The following KIF9 variants were observed in gnomAD, a reference collection of about 807,000 sequenced individuals.
KIF9 encodes kinesin family member 9, also known as kinesin-like protein KIF9.
Under a neutral mutation model 94.8 loss-of-function variants are expected in KIF9, and 68 were observed. That is an observed-to-expected ratio of 0.72 (90% CI 0.59 to 0.88). KIF9 has a LOEUF of 0.88. Among genes scored for constraint, KIF9 ranks in the 40% least tolerant of loss-of-function variants. The pLI is 0.00. For synonymous variants in KIF9, 343 were observed against 362.1 expected (o/e 0.95, Z 0.60); for missense variants, 882 against 982.5 (o/e 0.90, Z 1.37).
Position 47,270,975 on chromosome 3 carries a change from CAAAAAAA to C in KIF9, c.591+255_591+261del, listed in dbSNP as rs35244035. ...GCAACATGGCCAGACCTTGTCTCTA[CAAAAAAA>C]AAAAAAAAAAAATTAAGTGGGCATG... is the stretch of plus-strand genomic sequence containing the variant. On this transcript the variant is annotated intron_variant, in intron 5 of 20. Coordinates refer to ENST00000684063, the MANE Select transcript of KIF9 (RefSeq NM_182902.4). 3.3e-5 allele frequency among the ~76,000 whole-genome samples: 3 copies of C among 90,972 alleles called. No individual in the cohort carries two copies. The Admixed American group carries it at 3.8e-4, about 12-fold the overall frequency. 59.7% of individuals were successfully genotyped at this position (90,972 alleles called of 152,430 possible).
intron 18 of KIF9, 112 bp from the exon 19 acceptor site, chr3:47,236,261 TTA>T (rs2107079599): frequency 9.8e-7 from 1 of 1,018,420 alleles, no homozygotes; most frequent in South Asian, 1.4e-5. Flanking sequence ...CTCCAAGGTC[TTA>T]CCCTGTCCCC....
intron 17 of KIF9, among the ~76,000 whole-genome samples, chr3:47,238,055 A>C (rs1034971877): frequency 1.1e-4 from 17 of 152,306 alleles, no homozygotes; most frequent in African/African-American, 4.8e-5. Flanking sequence ...AAAGAGTTGA[A>C]TTTAAAGATG....
intron 4 of KIF9, 64 bp from the exon 5 acceptor site, chr3:47,271,525 G>A (rs930964040): frequency 4.2e-6 from 5 of 1,194,442 alleles, no homozygotes; most frequent in Non-Finnish European, 5.0e-6. Flanking sequence ...AGCATAAGGG[G>A]GGCTTCCTAA....
At position 47,271,323 on chromosome 3, in the gene KIF9, C is replaced by T. The variant is rs138645441; in HGVS notation, c.505G>A (p.Val169Met). The T allele has an allele frequency of 4.5e-5, 72 of 1,613,928 alleles. 1 individual carries two copies. The African/African-American group carries it at 8.3e-4, about 19-fold the overall frequency. ...VGPSVTPMTI[V>M]ENPQGVFIKG... ...ATGAAGACTCCTTGAGGGTTTTCCA[C>T]GATGGTCATTGGTGTGACTGAGGGT... is the stretch of plus-strand genomic sequence containing the variant. Residue 169 changes from valine to methionine, a missense_variant, in exon 5 of 21, where the codon GTG becomes ATG. Transcript: ENST00000684063.
intron 4 of KIF9, among the ~76,000 whole-genome samples, chr3:47,272,035 T>C (rs1701682270): frequency 6.6e-6 from 1 of 152,068 alleles, no homozygotes; most frequent in African/African-American, 2.4e-5. Flanking sequence ...CAGGAGAATC[T>C]CTTGAACCCA....
intron 2 of KIF9, among the ~76,000 whole-genome samples, chr3:47,275,910 TGGCAG>T (rs1320543056): frequency 1.3e-5 from 2 of 152,218 alleles, no homozygotes; most frequent in Non-Finnish European, 2.9e-5. Context: ...CTCTGGTTGC[TGGCAG>T]TGAGGCCTCC....
chr3:47,282,413 T>G, intron 1 of KIF9, 82 bp downstream of exon 1: 3 of 986,384 alleles, frequency 3.0e-6, no homozygotes, highest in Non-Finnish European at 3.6e-6. Context: ...AAGCGGTTTT[T>G]GGACCCCAGC....
At position 47,265,804 on chromosome 3, in the gene KIF9, G is replaced by A; in HGVS notation, c.842C>T (p.Ala281Val). 1 of 1,614,170 alleles carries A rather than the reference G, an allele frequency of 6.2e-7. No homozygotes were observed. Among genetic ancestry groups the A allele is most frequent in the South Asian group, 1.1e-5 (1 of 91,078 alleles). ...SLSFLEQAII[A>V]LGDQKRDHIP... ...GTGGTCCCGCTTCTGGTCCCCAAGG[G>A]CAATGATGGCCTGCTCCAGGAATGA... The change falls in exon 8 of 21, where the codon GCC becomes GTC. Residue 281 changes from alanine (A) to valine (V), a missense_variant. Physicochemically the swap from Ala to Val is moderately conservative, Grantham distance 64. Transcript: ENST00000684063.
At chr3:47,235,423 TC>T in intron 20 of KIF9, 89 bp downstream of exon 20, 1 of 906,342 alleles carries the variant, frequency 1.1e-6, no homozygotes. Flanking sequence ...GTGCCATTCC[TC>T]CCCTACCTCT....
Position 47,243,158 on chromosome 3 carries a change from T to G in KIF9, c.1602A>C (p.Pro534=). 6.2e-7 allele frequency: 1 copy of G among 1,613,994 alleles called. No individual in the cohort carries two copies. Among genetic ancestry groups the G allele is most frequent in the Non-Finnish European group, 8.5e-7 (1 of 1,179,906 alleles). The change falls in exon 16 of 21, where the codon CCA becomes CCC. Residue 534 remains proline (P), a synonymous_variant. Transcript: ENST00000684063. ...CTTTGACATCCCCATCTTTGGAGGA[T>G]GGGACCAGCTGGGTCTTGGAGGTGG... ...YVSTSKTQLV[P]SSKDGDVKDM...
At position 47,249,366 on chromosome 3, in the gene KIF9, G is replaced by A. The variant is rs546409314; in HGVS notation, c.1060-1280C>T. 4.3e-3 allele frequency among the ~76,000 whole-genome samples: 643 copies of A among 150,248 alleles called. 3 individuals are homozygous for A. The highest frequency in any genetic ancestry group is 6.6e-3 in the Non-Finnish European group (443 of 67,448). ...TTACCATGTTGGCCAGGCTGGTCTCGAACTCTTGACCTCAGGTGATCTGCC... is the reference window on the plus strand; with the variant it reads ...TTACCATGTTGGCCAGGCTGGTCTCAAACTCTTGACCTCAGGTGATCTGCC... On this transcript the variant is annotated intron_variant, in intron 10 of 20. Transcript: ENST00000684063.
At chr3:47,269,066 GC>G (rs1031421144) in intron 5 of KIF9, among the ~76,000 whole-genome samples, 4 of 152,054 alleles carry the variant, frequency 2.6e-5, no homozygotes, top group African/African-American at 4.8e-5. Flanking sequence ...GAGACACCGC[GC>G]CTGGCCTTGC....
intron 10 of KIF9, among the ~76,000 whole-genome samples, chr3:47,252,473 T>C (rs1280026427): frequency 1.3e-5 from 2 of 151,418 alleles, no homozygotes; most frequent in South Asian, 2.1e-4. Context: ...GGCGCAGGCC[T>C]GTGGTCCCAG....
At chr3:47,273,999 T>C (rs1576082936) in intron 3 of KIF9, among the ~76,000 whole-genome samples, 2 of 152,020 alleles carry the variant, frequency 1.3e-5, no homozygotes, top group Non-Finnish European at 2.9e-5. Context: ...AGGAGGGAGA[T>C]AGGAGCATTA....
At position 47,243,212 on chromosome 3, in the gene KIF9, A is replaced by G; in HGVS notation, c.1548T>C (p.Pro516=). The G allele has an allele frequency of 6.2e-7, 1 of 1,612,080 alleles. No homozygotes were observed. The highest frequency in any genetic ancestry group is 8.5e-7 in the Non-Finnish European group (1 of 1,178,590). The change falls in exon 16 of 21, where the codon CCT becomes CCC. Residue 516 remains proline (P), a synonymous_variant. Transcript: ENST00000684063. The part of the protein sequence containing the change: ...SLARKEGASS[P]VNGKDLDYVS... ...CGTAATCCAAGTCCTTCCCATTCAC[A>G]GGGCTGCTGGCACCTTCCTTTCTTG...
At chr3:47,239,007 T>G (rs1699268437) in intron 17 of KIF9, among the ~76,000 whole-genome samples, 1 of 152,192 alleles carries the variant, frequency 6.6e-6, no homozygotes, top group Non-Finnish European at 1.5e-5. Flanking sequence ...AAGACCAGCC[T>G]GACCAACATG....
chr3:47,256,128 C>A (rs1483836259), intron 10 of KIF9, among the ~76,000 whole-genome samples: 1 of 152,238 alleles, frequency 6.6e-6, no homozygotes, highest in Non-Finnish European at 1.5e-5. Flanking sequence ...ACCTCCCAGC[C>A]GCCTGCCTTG....
In KIF9 at chr3:47,247,388, T is replaced by C; in HGVS notation, c.1218A>G (p.Thr406=). The change falls in exon 12 of 21, where the codon ACA becomes ACG. Residue 406 remains threonine (T), a synonymous_variant. Coordinates refer to ENST00000684063, the MANE Select transcript of KIF9 (RefSeq NM_182902.4). ...GGTTCCTTACGTCGATCTCGTCCAG[T>C]GTCCCCTCCAGGTACCTCCGCACCT... ...NSQVRRYLEG[T]LDEIDIISLR... The C allele has an allele frequency of 1.2e-6, 2 of 1,612,652 alleles. No homozygotes were observed.
At chr3:47,241,044 G>A (rs1234773333) in intron 16 of KIF9, 29 bp from the exon 17 acceptor site, 1 of 1,595,918 alleles carries the variant, frequency 6.3e-7, no homozygotes, top group Non-Finnish European at 8.6e-7. Flanking sequence ...GACCAAAGAG[G>A]ATAAATGAGG....
Sources: gnomAD v4.1 joint callset for allele counts (sites outside exome capture counted in the v4.1 genomes callset) on GRCh38, gnomAD v4.1.1 for gene constraint, MANE v1.5 for transcripts, NCBI Gene and HGNC (gene_info 2026-07-23, HGNC 2026-07-21) for gene names.